Variants in SART3 observed in about 807,000 individuals in gnomAD.
SART3 encodes HIV-1 Tat-interacting protein of 110kDa.
In SART3, 44 loss-of-function variants were observed where a neutral mutation model predicts 122.3. That is an observed-to-expected ratio of 0.36 (90% CI 0.28 to 0.46). The LOEUF (loss-of-function observed/expected upper bound fraction) is 0.46, where lower values mean the gene tolerates loss of function less well. Among genes scored for constraint, SART3 ranks in the 20% least tolerant of loss-of-function variants. The pLI, the probability that SART3 is intolerant of heterozygous loss-of-function variation, is 1.00. For missense variants in SART3, 1,101 were observed against 1,229.0 expected, an observed-to-expected ratio of 0.90 and a Z score of 1.56; for synonymous variants, 442 against 454.0, an observed-to-expected ratio of 0.97 and a Z score of 0.34.
chr12:108,539,107 T>G lies in SART3; in HGVS notation c.907-18A>C. The G allele has an allele frequency of 6.2e-7, 1 of 1,613,970 alleles. No individual in the cohort carries two copies. The highest frequency in any genetic ancestry group is 8.5e-7 in the Non-Finnish European group (1 of 1,179,970). On this transcript the variant is annotated intron_variant, in intron 6 of 18. Transcript: ENST00000546815. ...GCCTGCAACTGGAGTACAGGAAAAT[T>G]GTATTGAATTTAGTTACTGGCAGGA...
chr12:108,549,315 T>C, intron 1 of SART3, 101 bp from the exon 2 acceptor site: 1 of 1,304,882 alleles, frequency 7.7e-7, no homozygotes. Context: ...ACAAACAAAA[T>C]AAACGTGCTA....
intron 1 of SART3, among the ~76,000 whole-genome samples, chr12:108,552,980 G>C (rs2030071050): frequency 7.2e-5 from 11 of 152,134 alleles, no homozygotes; most frequent in Admixed American, 5.9e-4. Context: ...GTGTGAGAAT[G>C]GCAGAAAGAT....
rs2136676866 is a variant in SART3 at position 108,538,989 on chromosome 12, G to A, written c.1007C>T (p.Ala336Val). The A allele has an allele frequency of 6.2e-7, 1 of 1,614,178 alleles. No individual in the cohort carries two copies. The highest frequency in any genetic ancestry group is 8.5e-7 in the Non-Finnish European group (1 of 1,180,030). ...PARIQLIFER[A>V]LVENCLVPDL... The stretch of plus-strand genomic sequence containing the variant: ...TGGGACAAGGCAGTTCTCGACCAGG[G>A]CGCGCTCAAAGATCAACTGAATGCG... The change falls in exon 7 of 19, where the codon GCC becomes GTC. Residue 336 changes from alanine (A) to valine (V), a missense_variant. Physicochemically the swap from Ala to Val is moderately conservative, Grantham distance 64 (BLOSUM62 0). Coordinates refer to ENST00000546815, the MANE Select transcript of SART3 (RefSeq NM_014706.4).
intron 18 of SART3, 107 bp from the exon 19 acceptor site, chr12:108,523,741 G>GT: frequency 3.4e-6 from 3 of 889,476 alleles, no homozygotes; most frequent in Non-Finnish European, 5.1e-6. Context: ...AAGTTAAAAG[G>GT]TGAAAAAAAA....
chr12:108,541,095 A>T (rs1235807254), intron 6 of SART3, among the ~76,000 whole-genome samples: 3 of 152,226 alleles, frequency 2.0e-5, no homozygotes, highest in Non-Finnish European at 4.4e-5. Flanking sequence ...TGTTCATCAA[A>T]AGACACTGTT....
At chr12:108,528,963 A>G (rs1872524904) in intron 15 of SART3, among the ~76,000 whole-genome samples, 1 of 152,136 alleles carries the variant, frequency 6.6e-6, no homozygotes, top group South Asian at 2.1e-4. Context: ...CTCTACTAAA[A>G]ATACAAAAAA....
At chr12:108,544,350 G>A in intron 5 of SART3, 77 bp downstream of exon 5, 1 of 1,247,034 alleles carries the variant, frequency 8.0e-7, no homozygotes, top group Non-Finnish European at 1.2e-6. Flanking sequence ...TGGTGGGAAA[G>A]GTCTAACTAC....
chr12:108,530,079 C>G (rs1245706427), intron 15 of SART3, 63 bp downstream of exon 15: 1 of 1,577,922 alleles, frequency 6.3e-7, no homozygotes, highest in African/African-American at 1.3e-5. Context: ...GTTCTTCATA[C>G]TGTATTCGCA....
intron 6 of SART3, 26 bp from the exon 7 acceptor site, chr12:108,539,115 A>G (rs750039504): frequency 1.9e-6 from 3 of 1,613,778 alleles, no homozygotes; most frequent in East Asian, 4.5e-5. Context: ...ATTGTATTGA[A>G]TTTAGTTACT....
intron 1 of SART3, among the ~76,000 whole-genome samples, chr12:108,557,856 T>G (rs2030299099): frequency 6.6e-6 from 1 of 152,196 alleles, no homozygotes; most frequent in Admixed American, 6.5e-5. Flanking sequence ...CACAGCAAAC[T>G]GCCAGCTACC....
chr12:108,542,868 T>C, intron 6 of SART3, 160 bp downstream of exon 6: 1 of 1,011,530 alleles, frequency 9.9e-7, no homozygotes, highest in Non-Finnish European at 1.5e-6. Context: ...GGTAGGTACA[T>C]GGATGTTCAC....
At chr12:108,534,039 G>A (rs763228356) in intron 12 of SART3, among the ~76,000 whole-genome samples, 9 of 152,168 alleles carry the variant, frequency 5.9e-5, no homozygotes, top group Non-Finnish European at 8.8e-5. Context: ...GAATTTAGCT[G>A]TCTTCTCCTA....
chr12:108,542,491 T>A (rs1334416265), intron 6 of SART3, among the ~76,000 whole-genome samples: 1 of 152,216 alleles, frequency 6.6e-6, no homozygotes, highest in East Asian at 1.9e-4. Context: ...AGCAAAAACC[T>A]GGAAATGACC....
chr12:108,524,099 A>C (rs976019674), intron 18 of SART3: 2 of 601,840 alleles, frequency 3.3e-6, no homozygotes, highest in Non-Finnish European at 5.9e-6. Flanking sequence ...TGACAAGTGT[A>C]AATTGGCCAG....
At chr12:108,523,681 G>A in intron 18 of SART3, 47 bp from the exon 19 acceptor site, 1 of 1,536,562 alleles carries the variant, frequency 6.5e-7, no homozygotes, top group South Asian at 1.1e-5. Flanking sequence ...ACAATTCGTG[G>A]CCCCTCATTT....
rs548439647 is a variant in SART3, at chr12:108,552,519, A to C, written c.313-3305T>G. Reference sequence around the variant, plus strand: ...AATAGTGAACTGAGCAAGGTCACAGAATATAAGATAAACATACAAAAACAA... The same window carrying C: ...AATAGTGAACTGAGCAAGGTCACAGCATATAAGATAAACATACAAAAACAA... On this transcript the variant is annotated intron_variant, in intron 1 of 18. Transcript: ENST00000546815. 4.0e-5 allele frequency among the ~76,000 whole-genome samples: 6 copies of C among 150,760 alleles called. No homozygotes were observed. The South Asian group carries it at 1.0e-3, about 26-fold the overall frequency.
chr12:108,534,195 A>T (rs1157912823), intron 12 of SART3, among the ~76,000 whole-genome samples: 1 of 152,214 alleles, frequency 6.6e-6, no homozygotes, highest in African/African-American at 2.4e-5. Context: ...AATAAATTAA[A>T]ATGTTTTTTA....
intron 6 of SART3, among the ~76,000 whole-genome samples, chr12:108,541,641 C>T (rs561631617): frequency 6.6e-6 from 1 of 151,922 alleles, no homozygotes; most frequent in Non-Finnish European, 1.5e-5. Flanking sequence ...CGGCTTCAAG[C>T]GATTCCCCTG....
rs748163598 is a variant in SART3, at chr12:108,524,444, G to A, written c.2586C>T (p.Asp862=). The A allele has an allele frequency of 2.4e-5, 39 of 1,613,940 alleles. No individual in the cohort carries two copies. The Admixed American group carries it at 3.8e-4, about 16-fold the overall frequency. Residue 862 remains aspartate, a synonymous_variant, in exon 18 of 19, where the codon GAC becomes GAT. Transcript: ENST00000546815. The part of the protein sequence containing the change: ...SQASQAVMKM[D]GMTIKENIIK... The stretch of plus-strand genomic sequence containing the variant: ...TGATGTTCTCTTTGATAGTCATGCC[G>A]TCCATCTTCATCACAGCCTGCGACG...
Sources: gnomAD v4.1 joint callset for allele counts (sites outside exome capture counted in the v4.1 genomes callset) on GRCh38, gnomAD v4.1.1 for gene constraint, MANE v1.5 for transcripts, NCBI Gene and HGNC (gene_info 2026-07-23, HGNC 2026-07-21) for gene names.